The following MED27 variants were observed in gnomAD, a reference collection of about 807,000 sequenced individuals.
MED27 encodes the protein mediator complex subunit 27.
In MED27, 30 loss-of-function variants were observed where a neutral mutation model predicts 38.2. The ratio of observed to expected loss-of-function variants is 0.79; its 90% CI spans 0.59 to 1.07. The LOEUF is 1.07. MED27 is among the 50% of genes least tolerant of loss of function. MED27 has a pLI of 0.00. For synonymous variants in MED27, 122 were observed against 153.5 expected (o/e 0.79, Z 1.52); for missense variants, 289 against 397.5 (o/e 0.73, Z 2.32).
In MED27 at chr9:131,861,257, A is replaced by G. The variant is rs1682118443; in HGVS notation, c.802-585T>C. Among the ~76,000 whole-genome samples, 1 of 152,186 alleles carries G rather than the reference A, an allele frequency of 6.6e-6. No individual in the cohort carries two copies. The highest frequency in any genetic ancestry group is 1.5e-5 in the Non-Finnish European group (1 of 68,032). ...TCATAAGCAGCAAATCCACACTTGA[A>G]TGGTTCAGAGTGCAGAGCTTTCTTG... is the stretch of plus-strand genomic sequence containing the variant. On this transcript the variant is annotated intron_variant, in intron 7 of 7. Transcript: ENST00000292035. This position sits in a 1 kb window ranked among gnomAD's most constrained non-coding sequence, Gnocchi z 4.4.
intron 3 of MED27, among the ~76,000 whole-genome samples, chr9:131,962,967 A>G (rs1019646169): frequency 6.6e-6 from 1 of 152,250 alleles, no homozygotes; most frequent in Non-Finnish European, 1.5e-5. Context: ...ACGACATTTC[A>G]GCATTGATTC....
chr9:131,905,814 C>A (rs1830051625), intron 4 of MED27, among the ~76,000 whole-genome samples: 1 of 151,584 alleles, frequency 6.6e-6, no homozygotes, highest in African/African-American at 2.4e-5. Context: ...GAACCCAGAG[C>A]TGCCTTGGAC....
chr9:131,926,246 C>T (rs1315999340), intron 4 of MED27, among the ~76,000 whole-genome samples: 3 of 152,266 alleles, frequency 2.0e-5, no homozygotes, highest in Admixed American at 6.5e-5. Flanking sequence ...ATGCCTTTAT[C>T]TCCAGGGGCT....
rs1424622983 is a variant in MED27 at position 131,884,112 on chromosome 9, G to T, written c.682-13C>A. On this transcript the variant is annotated splice_polypyrimidine_tract_variant and intron_variant, in intron 5 of 7. Coordinates refer to ENST00000292035, the MANE Select transcript of MED27 (RefSeq NM_004269.4). ...ACCATATATCAAGCTGAGGGGAAAG[G>T]AGAGAAGGATCATCAGCATCGGTCT... is the stretch of plus-strand genomic sequence containing the variant. The T allele has an allele frequency of 6.2e-7, 1 of 1,600,828 alleles. No homozygotes were observed. The highest frequency in any genetic ancestry group is 2.2e-5 in the East Asian group (1 of 44,598).
chr9:132,038,353 G>A lies in MED27; in HGVS notation c.349-23886C>T, dbSNP rs560970617. Reference sequence around the variant, plus strand: ...ACTACAGGCGCCCGCCACTACGCCCGGCTAATTTTTTTGTATTTTTAGTAG... The same window carrying A: ...ACTACAGGCGCCCGCCACTACGCCCAGCTAATTTTTTTGTATTTTTAGTAG... On this transcript the variant is annotated intron_variant, in intron 2 of 7. Transcript: ENST00000292035. 6.5e-4 allele frequency among the ~76,000 whole-genome samples: 98 copies of A among 151,540 alleles called. 2 individuals are homozygous for A. The South Asian group carries it at 8.4e-3, about 13-fold the overall frequency.
intron 3 of MED27, among the ~76,000 whole-genome samples, chr9:131,957,023 C>T (rs1456404568): frequency 6.6e-6 from 1 of 152,188 alleles, no homozygotes; most frequent in African/African-American, 2.4e-5. Flanking sequence ...ATAACAAGAA[C>T]TGGCAATATG....
chr9:131,894,463 CT>C, intron 4 of MED27, among the ~76,000 whole-genome samples: 1 of 152,206 alleles, frequency 6.6e-6, no homozygotes, highest in African/African-American at 2.4e-5. Context: ...CTTGGTTGAA[CT>C]ATCTATTTAT....
intron 6 of MED27, among the ~76,000 whole-genome samples, chr9:131,870,258 G>T (rs1838806946): frequency 6.6e-6 from 1 of 152,190 alleles, no homozygotes; most frequent in Non-Finnish European, 1.5e-5. Flanking sequence ...CACAGCTCAG[G>T]GTGTGTGGCT....
intron 2 of MED27, among the ~76,000 whole-genome samples, chr9:132,048,520 A>T (rs1833395242): frequency 6.6e-6 from 1 of 152,232 alleles, no homozygotes; most frequent in Non-Finnish European, 1.5e-5. Flanking sequence ...AAGCTGTCAC[A>T]CAGAACGCCA....
rs1838664541 is a variant in MED27 at position 131,862,308 on chromosome 9, CGGT to C, written c.801+752_801+754del. Among the ~76,000 whole-genome samples, 1 of 152,100 alleles carries C rather than the reference CGGT, an allele frequency of 6.6e-6. No individual in the cohort carries two copies. The highest frequency in any genetic ancestry group is 1.5e-5 in the Non-Finnish European group (1 of 68,022). ...TGAAGAAAACAGGGAGTCCCAGCAG[CGGT>C]GGATGATGGGGTCTGCTGGCGTGAG... On this transcript the variant is annotated intron_variant, in intron 7 of 7. Coordinates refer to ENST00000292035, the MANE Select transcript of MED27 (RefSeq NM_004269.4). This position sits in a 1 kb window ranked among gnomAD's most constrained non-coding sequence, Gnocchi z 4.6.
At chr9:131,989,422 T>G (rs559427663) in intron 3 of MED27, among the ~76,000 whole-genome samples, 10 of 152,348 alleles carry the variant, frequency 6.6e-5, no homozygotes, top group African/African-American at 2.2e-4. Flanking sequence ...GGCAATAGGT[T>G]CTGTGGCTGC....
At chr9:131,881,879 C>T (rs1180283367) in intron 6 of MED27, among the ~76,000 whole-genome samples, 6 of 146,386 alleles carry the variant, frequency 4.1e-5, no homozygotes, top group Admixed American at 7.0e-5. Context: ...CTGCAACCTC[C>T]CGCGTAGCTG....
At chr9:131,911,666 C>A (rs760862423) in intron 4 of MED27, among the ~76,000 whole-genome samples, 1 of 152,166 alleles carries the variant, frequency 6.6e-6, no homozygotes, top group Non-Finnish European at 1.5e-5. Flanking sequence ...ATACATTTGG[C>A]AACTAACTTG....
At chr9:131,999,061 C>A (rs941546830) in intron 3 of MED27, among the ~76,000 whole-genome samples, 5 of 152,152 alleles carry the variant, frequency 3.3e-5, no homozygotes, top group African/African-American at 4.8e-5. Context: ...TCTAAGGAAA[C>A]CTTTGGAACA....
chr9:131,970,736 G>A (rs1009192252), intron 3 of MED27, among the ~76,000 whole-genome samples: 1 of 152,160 alleles, frequency 6.6e-6, no homozygotes, highest in Non-Finnish European at 1.5e-5. Flanking sequence ...TAGAAATAAA[G>A]ACCAAATTAA....
intron 6 of MED27, among the ~76,000 whole-genome samples, chr9:131,873,161 T>C (rs1838865741): frequency 2.0e-5 from 3 of 152,214 alleles, no homozygotes. Context: ...TAGGAATCTC[T>C]TGGAAGGAGA....
chr9:131,961,041 A>T (rs1288631791), intron 3 of MED27, among the ~76,000 whole-genome samples: 1 of 152,220 alleles, frequency 6.6e-6, no homozygotes, highest in Non-Finnish European at 1.5e-5. Flanking sequence ...TATGAGTGGA[A>T]TTATTCCTGC....
intron 2 of MED27, among the ~76,000 whole-genome samples, chr9:132,027,259 G>T (rs1459867847): frequency 6.6e-6 from 1 of 152,236 alleles, no homozygotes; most frequent in Non-Finnish European, 1.5e-5. Context: ...TCCACTCTGT[G>T]AGAAAGAAGA....
intron 2 of MED27, among the ~76,000 whole-genome samples, chr9:132,071,722 T>C (rs1183144217): frequency 6.7e-6 from 1 of 149,780 alleles, no homozygotes; most frequent in East Asian, 2.0e-4. Flanking sequence ...CAAGCACATA[T>C]GCATACGAGT....
Sources: gnomAD v4.1 joint callset for allele counts (sites outside exome capture counted in the v4.1 genomes callset) on GRCh38, gnomAD v4.1.1 for gene constraint, Gnocchi (gnomAD v3.1) non-coding constraint, MANE v1.5 for transcripts, NCBI Gene and HGNC (gene_info 2026-07-23, HGNC 2026-07-21) for gene names.